FMN2: variants seen among roughly 807,000 people sequenced by gnomAD.
The protein encoded by FMN2 is formin-2.
In FMN2, 51 loss-of-function variants were observed where a neutral mutation model predicts 142.3. The ratio of observed to expected loss-of-function variants is 0.36; its 90% CI spans 0.29 to 0.45. FMN2 has a LOEUF of 0.45. Ranked by LOEUF, FMN2 falls within the 20% of genes least tolerant of loss-of-function variation. FMN2 has a pLI of 1.00. For synonymous variants in FMN2, 882 were observed against 869.8 expected, an observed-to-expected ratio of 1.01 and a Z score of -0.25; for missense variants, 1,936 against 2,122.8, an observed-to-expected ratio of 0.91 and a Z score of 1.73.
chr1:240,333,413 A>G (rs534578112), intron 11 of FMN2, among the ~76,000 whole-genome samples: 1 of 152,298 alleles, frequency 6.6e-6, no homozygotes, highest in East Asian at 1.9e-4. Context: ...TTTACTTAAA[A>G]TGATACTTAG....
chr1:240,396,436 T>C (rs1673779835), intron 15 of FMN2, among the ~76,000 whole-genome samples: 2 of 150,472 alleles, frequency 1.3e-5, no homozygotes. Context: ...GGAGTTGATG[T>C]TGCAATCTTT....
At chr1:240,186,865 A>G (rs1665475990) in intron 3 of FMN2, among the ~76,000 whole-genome samples, 1 of 152,150 alleles carries the variant, frequency 6.6e-6, no homozygotes, top group Non-Finnish European at 1.5e-5. Flanking sequence ...ATTGTAGCTT[A>G]ACAGTATGTT....
At chr1:240,372,878 A>C (rs1672918823) in intron 14 of FMN2, among the ~76,000 whole-genome samples, 1 of 152,192 alleles carries the variant, frequency 6.6e-6, no homozygotes, top group Admixed American at 6.5e-5. Flanking sequence ...ACCTTAATTT[A>C]AAATATATTT....
At chr1:240,374,583 A>G (rs1361370814) in intron 14 of FMN2, among the ~76,000 whole-genome samples, 1 of 152,182 alleles carries the variant, frequency 6.6e-6, no homozygotes, top group Non-Finnish European at 1.5e-5. Context: ...ATTGGCTTCA[A>G]ACTTTTCTTC....
chr1:240,172,278 A>G (rs912049862), intron 2 of FMN2, among the ~76,000 whole-genome samples: 2 of 152,184 alleles, frequency 1.3e-5, no homozygotes, highest in African/African-American at 4.8e-5. Flanking sequence ...ATTGAATGCA[A>G]AACTGGTTGA....
At chr1:240,417,286 A>G (rs1674610901) in intron 15 of FMN2, among the ~76,000 whole-genome samples, 2 of 151,434 alleles carry the variant, frequency 1.3e-5, no homozygotes, top group African/African-American at 2.4e-5. Context: ...GGTACGTCTT[A>G]CAGTGGATGG....
intron 16 of FMN2, among the ~76,000 whole-genome samples, chr1:240,471,015 G>A (rs1305212617): frequency 6.6e-6 from 1 of 152,180 alleles, no homozygotes; most frequent in Non-Finnish European, 1.5e-5. Context: ...TTTTCACTCT[G>A]TGAGGGAATA....
At chr1:240,147,735 A>G (rs115117288) in intron 2 of FMN2, among the ~76,000 whole-genome samples, 268 of 152,264 alleles carry the variant, frequency 1.8e-3, no homozygotes, top group African/African-American at 6.1e-3. Context: ...GCTCTTATTT[A>G]TGACCTACAG....
chr1:240,415,133 A>G (rs1255335169), intron 15 of FMN2, among the ~76,000 whole-genome samples: 2 of 152,180 alleles, frequency 1.3e-5, no homozygotes, highest in Non-Finnish European at 2.9e-5. Context: ...CTTGGAACCA[A>G]CCCAAATGCC....
At chr1:240,138,304 A>G (rs887190560) in intron 2 of FMN2, among the ~76,000 whole-genome samples, 1 of 151,900 alleles carries the variant, frequency 6.6e-6, no homozygotes, top group Admixed American at 6.6e-5. Context: ...TGTGGTTAGG[A>G]TGCTGGAAGA....
chr1:240,427,168 A>ATT lies in FMN2; in HGVS notation c.4911-10890_4911-10889dup, dbSNP rs1285947248. On this transcript the variant is annotated intron_variant, in intron 15 of 17. Coordinates refer to ENST00000319653, the MANE Select transcript of FMN2 (RefSeq NM_020066.5). ...AATTAGTTCATGTATGTTACAACTG[A>ATT]TTTTATATATATATATATATATATG... Among the ~76,000 whole-genome samples, 77 of 67,736 alleles carry ATT rather than the reference A, an allele frequency of 1.1e-3. 2 individuals are homozygous for ATT. Among genetic ancestry groups the ATT allele is most frequent in the African/African-American group, 3.6e-3 (73 of 20,180 alleles). The allele number at this position is 67,736 out of a possible 152,430, so 44.4% of individuals were successfully genotyped here.
chr1:240,385,857 C>T (rs983145388), intron 14 of FMN2, among the ~76,000 whole-genome samples: 5 of 151,804 alleles, frequency 3.3e-5, no homozygotes, highest in African/African-American at 1.2e-4. Flanking sequence ...TGTTTATATA[C>T]ACCTATATTT....
intron 2 of FMN2, among the ~76,000 whole-genome samples, chr1:240,132,520 G>C (rs1662781062): frequency 6.6e-6 from 1 of 152,122 alleles, no homozygotes; most frequent in Admixed American, 6.6e-5. Flanking sequence ...GGCTCGTTGT[G>C]ATTAGAATTG....
intron 7 of FMN2, among the ~76,000 whole-genome samples, chr1:240,268,896 T>C (rs1402187990): frequency 6.6e-6 from 1 of 152,088 alleles, no homozygotes. Context: ...TAGGGTTATT[T>C]GCCTTTCTGT....
At chr1:240,297,344 C>T (rs1670021182) in intron 8 of FMN2, among the ~76,000 whole-genome samples, 2 of 151,962 alleles carry the variant, frequency 1.3e-5, no homozygotes, top group Non-Finnish European at 1.5e-5. Context: ...GCCTGTAATC[C>T]TAGCACTTTG....
intron 16 of FMN2, among the ~76,000 whole-genome samples, chr1:240,466,891 C>T (rs1189452672): frequency 1.3e-5 from 2 of 152,166 alleles, no homozygotes; most frequent in Admixed American, 1.3e-4. Context: ...CCTGCGACAA[C>T]TGAAATTACT....
At chr1:240,148,755 C>T (rs904312497) in intron 2 of FMN2, among the ~76,000 whole-genome samples, 12 of 151,884 alleles carry the variant, frequency 7.9e-5, no homozygotes, top group African/African-American at 1.2e-4. Flanking sequence ...CCGAGGCGGG[C>T]GGATCACGAG....
At chr1:240,428,635 A>G (rs1000982888) in intron 15 of FMN2, among the ~76,000 whole-genome samples, 1 of 152,050 alleles carries the variant, frequency 6.6e-6, no homozygotes, top group Non-Finnish European at 1.5e-5. Flanking sequence ...TTTCCTCGAG[A>G]CCTGGATTGA....
chr1:240,465,384 G>GTGTGTGTGTGTGTC (rs1241874596), intron 16 of FMN2, among the ~76,000 whole-genome samples: 3 of 128,908 alleles, frequency 2.3e-5, no homozygotes, highest in African/African-American at 8.4e-5. Context: ...GTGTGTGTGT[G>GTGTGTGTGTGTGTC]TGTCTGTCTT....
Sources: gnomAD v4.1 joint callset for allele counts (sites outside exome capture counted in the v4.1 genomes callset) on GRCh38, gnomAD v4.1.1 for gene constraint, MANE v1.5 for transcripts, NCBI Gene and HGNC (gene_info 2026-07-23, HGNC 2026-07-21) for gene names.